Variants in PCDHGA8 observed in about 807,000 individuals in gnomAD.
PCDHGA8 encodes protocadherin gamma-A8.
In PCDHGA8, 45 loss-of-function variants were observed where a neutral mutation model predicts 59.2. The observed-to-expected ratio is 0.76, with a 90% confidence interval of 0.60 to 0.98. The LOEUF (loss-of-function observed/expected upper bound fraction) is 0.98. Ranked by LOEUF, PCDHGA8 falls within the 50% of genes least tolerant of loss-of-function variation. The pLI is 0.00. For missense variants in PCDHGA8, 1,257 were observed against 1,196.2 expected (o/e 1.05, Z -0.75); for synonymous variants, 531 against 519.0 (o/e 1.02, Z -0.32).
Position 141,394,132 on chromosome 5 carries a change from T to C in PCDHGA8, c.1319T>C (p.Leu440Pro). ...PPLSTETQIA[L>P]HVADINDNPP... is the part of the protein sequence containing the mutation. ...CTGTCCACTGAAACTCAAATCGCTC[T>C]GCACGTGGCAGACATTAACGACAAC... The change falls in exon 1 of 4, where the codon CTG becomes CCG. Residue 440 changes from leucine (L) to proline (P), a missense_variant. Leu to Pro is a moderately conservative substitution (Grantham distance 98). Transcript: ENST00000398604. 6.2e-7 allele frequency: 1 copy of C among 1,613,980 alleles called. No individual in the cohort carries two copies. The highest frequency in any genetic ancestry group is 8.5e-7 in the Non-Finnish European group (1 of 1,179,872).
intron 1 of PCDHGA8, chr5:141,478,884 C>T (rs767294994): frequency 9.2e-5 from 110 of 1,194,180 alleles, no homozygotes; most frequent in Non-Finnish European, 1.2e-4. Context: ...AGCTTGGTAT[C>T]ATTTACATTA....
rs1428628914 is a variant in PCDHGA8, at chr5:141,487,223, G to A, written c.2425-7584G>A. 1.2e-6 allele frequency: 2 copies of A among 1,614,076 alleles called. No homozygotes were observed. The highest frequency in any genetic ancestry group is 2.2e-5 in the East Asian group (1 of 44,866). The stretch of plus-strand genomic sequence containing the variant: ...TCTTCGAGAATCTTCAGCTCCAAGG[G>A]AAGGAGAATCTCGTCTAACCCTCTA... On this transcript the variant is annotated intron_variant, in intron 1 of 3. Transcript: ENST00000398604. This position sits in a 1 kb window ranked among gnomAD's most constrained non-coding sequence, Gnocchi z 5.0.
chr5:141,401,250 GA>G (rs1387561920), intron 1 of PCDHGA8, among the ~76,000 whole-genome samples: 4 of 152,148 alleles, frequency 2.6e-5, no homozygotes, highest in African/African-American at 9.7e-5. Flanking sequence ...GCTAAGACAG[GA>G]GAATTGCTTG....
At position 141,393,154 on chromosome 5, in the gene PCDHGA8, G is replaced by GA; in HGVS notation, c.345dup (p.Leu116ThrfsTer10). 1 of 1,613,294 alleles carries GA rather than the reference G, an allele frequency of 6.2e-7. No homozygotes were observed. The highest frequency in any genetic ancestry group is 8.5e-7 in the Non-Finnish European group (1 of 1,179,892). On this transcript the variant is annotated frameshift_variant, in exon 1 of 4. Transcript: ENST00000398604. LOFTEE classifies it high-confidence loss of function. ...ATTAACACCCTGGTTGAGGATAAAG[G>GA]AAAACTCTTTGGGGTAGAAATAGAA...
intron 1 of PCDHGA8, chr5:141,427,749 A>G (rs770208196): frequency 4.6e-6 from 6 of 1,299,142 alleles, no homozygotes; most frequent in South Asian, 2.4e-5. Context: ...CTCCTACTCC[A>G]TCGTTACCAC....
intron 1 of PCDHGA8, chr5:141,415,791 C>CTTT: frequency 1.5e-6 from 2 of 1,341,938 alleles, no homozygotes; most frequent in Non-Finnish European, 1.9e-6. Flanking sequence ...GTAAAATTCA[C>CTTT]CTAGTCTCAA....
intron 1 of PCDHGA8, chr5:141,409,119 C>A: frequency 6.2e-7 from 1 of 1,613,928 alleles, no homozygotes; most frequent in Non-Finnish European, 8.5e-7. Flanking sequence ...AATAACCAGT[C>A]ATTTGATTTT....
chr5:141,507,735 C>T (rs942364858), intron 3 of PCDHGA8, among the ~76,000 whole-genome samples: 3 of 152,268 alleles, frequency 2.0e-5, no homozygotes, highest in Non-Finnish European at 2.9e-5. Flanking sequence ...TCATGCAGCT[C>T]GTTCCCCTGT....
chr5:141,392,651 C>A lies in PCDHGA8; in HGVS notation c.-163C>A. The A allele has an allele frequency of 1.4e-6, 1 of 708,948 alleles. No individual in the cohort carries two copies. Among genetic ancestry groups the A allele is most frequent in the Non-Finnish European group, 2.2e-6 (1 of 452,284 alleles). The allele number at this position is 708,948 out of a possible 1,614,324, so 43.9% of individuals were successfully genotyped here. On this transcript the variant is annotated 5_prime_UTR_variant, in exon 1 of 4. Transcript: ENST00000398604. Reference sequence around the variant, plus strand: ...AGATCTCACACCTCACGAAGACCCGCAGATGCCACAAACTAACTGCTGGAC... The same window carrying A: ...AGATCTCACACCTCACGAAGACCCGAAGATGCCACAAACTAACTGCTGGAC...
chr5:141,478,179 A>C, intron 1 of PCDHGA8: 1 of 1,613,996 alleles, frequency 6.2e-7, no homozygotes, highest in Non-Finnish European at 8.5e-7. Context: ...GAGCAGAAAA[A>C]AAATCTCACC....
At chr5:141,433,208 C>T (rs780155661) in intron 1 of PCDHGA8, 90 of 1,293,816 alleles carry the variant, frequency 7.0e-5, no homozygotes, top group Middle Eastern at 5.9e-4. Flanking sequence ...AATCTTCTTT[C>T]TTTTTTTTTT....
Position 141,394,727 on chromosome 5 carries a change from C to A in PCDHGA8, c.1914C>A (p.Leu638=). 1 of 1,613,436 alleles carries A rather than the reference C, an allele frequency of 6.2e-7. No homozygotes were observed. The highest frequency in any genetic ancestry group is 2.2e-5 in the East Asian group (1 of 44,890). ...GAGCCCTGCTGGACAGAGATGCGCT[C>A]AAGCAGAGCCTCGTGGTGGCCGTCC... is the stretch of plus-strand genomic sequence containing the variant. ...TARALLDRDA[L]KQSLVVAVQD... is the part of the protein sequence containing the mutation. Residue 638 remains leucine (L), a synonymous_variant, in exon 1 of 4, where the codon CTC becomes CTA. Transcript: ENST00000398604.
rs765743251 is a variant in PCDHGA8 at position 141,476,488 on chromosome 5, G to A, written c.2425-18319G>A. ...TGGAGCTGTTCAGCGTGGAAGTGGTGATCCAGGACATCAACGACAACAATC... is the reference window on the plus strand; with the variant it reads ...TGGAGCTGTTCAGCGTGGAAGTGGTAATCCAGGACATCAACGACAACAATC... On this transcript the variant is annotated intron_variant, in intron 1 of 3. Coordinates refer to ENST00000398604, the MANE Select transcript of PCDHGA8 (RefSeq NM_032088.2). This position sits in a 1 kb window ranked among gnomAD's most constrained non-coding sequence, Gnocchi z 7.6. 4 of 1,613,932 alleles carry A rather than the reference G, an allele frequency of 2.5e-6. No homozygotes were observed. Among genetic ancestry groups the A allele is most frequent in the Non-Finnish European group, 3.4e-6 (4 of 1,180,016 alleles).
chr5:141,419,777 C>T (rs976849391), intron 1 of PCDHGA8: 3 of 1,614,054 alleles, frequency 1.9e-6, no homozygotes, highest in Admixed American at 3.3e-5. Flanking sequence ...CTCGGTCCGC[C>T]AGCGCCTGCT....
intron 1 of PCDHGA8, among the ~76,000 whole-genome samples, chr5:141,439,259 G>A (rs1172204848): frequency 6.6e-6 from 1 of 151,900 alleles, no homozygotes; most frequent in African/African-American, 2.4e-5. Context: ...TGAAGATTCA[G>A]CCAACAGTTC....
Position 141,487,631 on chromosome 5 carries a change from G to T in PCDHGA8, c.2425-7176G>T. Reference sequence around the variant, plus strand: ...TGGGCTAGAGGTGAGACCTTTGCAGGCTCAACAAATGCTTGAGGGTTATTC... The same window carrying T: ...TGGGCTAGAGGTGAGACCTTTGCAGTCTCAACAAATGCTTGAGGGTTATTC... On this transcript the variant is annotated intron_variant, in intron 1 of 3. Transcript: ENST00000398604. The surrounding 1 kb of genome is among the most constrained non-coding windows in gnomAD (Gnocchi z 5.0). The T allele has an allele frequency of 6.2e-7, 1 of 1,614,176 alleles. No individual in the cohort carries two copies. Among genetic ancestry groups the T allele is most frequent in the Non-Finnish European group, 8.5e-7 (1 of 1,180,032 alleles).
In PCDHGA8 at chr5:141,490,745, C is replaced by T. The variant is rs769031787; in HGVS notation, c.2425-4062C>T. 22 of 1,614,120 alleles carry T rather than the reference C, an allele frequency of 1.4e-5. No individual in the cohort carries two copies. Among genetic ancestry groups the T allele is most frequent in the Non-Finnish European group, 1.9e-5 (22 of 1,180,050 alleles). On this transcript the variant is annotated intron_variant, in intron 1 of 3. Transcript: ENST00000398604. The surrounding 1 kb of genome is among the most constrained non-coding windows in gnomAD (Gnocchi z 5.4). Reference sequence around the variant, plus strand: ...GTAGGAAATCAGGTTCAGGGAGCCCCAGCCTCCTCCTTTGTGTATGTCAAC... The same window carrying T: ...GTAGGAAATCAGGTTCAGGGAGCCCTAGCCTCCTCCTTTGTGTATGTCAAC...
chr5:141,413,600 T>C lies in PCDHGA8; in HGVS notation c.2424+18363T>C, dbSNP rs767830855. The C allele has an allele frequency of 3.7e-6, 6 of 1,613,868 alleles. No individual in the cohort carries two copies. The Admixed American group carries it at 8.3e-5, about 22-fold the overall frequency. Reference sequence around the variant, plus strand: ...GCTCCAAAATTCCAAGCAGAAAATCTAGACGTAAAAATTAATGAAAATGTC... The same window carrying C: ...GCTCCAAAATTCCAAGCAGAAAATCCAGACGTAAAAATTAATGAAAATGTC... On this transcript the variant is annotated intron_variant, in intron 1 of 3. Transcript: ENST00000398604.
chr5:141,418,599 A>C, intron 1 of PCDHGA8: 2 of 1,614,054 alleles, frequency 1.2e-6, no homozygotes. Context: ...CAGGACGTGT[A>C]CAGGGTTAGC....
Sources: allele counts gnomAD v4.1 joint callset (sites outside exome capture counted in the v4.1 genomes callset), GRCh38; gene constraint gnomAD v4.1.1; non-coding constraint Gnocchi (gnomAD v3.1); transcripts MANE v1.5; gene names NCBI Gene and HGNC (gene_info 2026-07-23, HGNC 2026-07-21).